DCAF8L2: variants seen among roughly 807,000 people sequenced by gnomAD.
The protein encoded by DCAF8L2 is DDB1 and CUL4 associated factor 8 like 2, also known as DDB1- and CUL4-associated factor 8-like protein 2.
For missense variants in DCAF8L2, 430 were observed against 490.7 expected, an observed-to-expected ratio of 0.88 and a Z score of 1.17; for synonymous variants, 200 against 190.9, an observed-to-expected ratio of 1.05 and a Z score of -0.39.
chrX:27,514,656 G>A, the DCAF8L2 span, among the ~76,000 whole-genome samples: 3 of 63,727 alleles, frequency 4.7e-5, no homozygotes, highest in Admixed American at 8.5e-4. Flanking sequence ...GCGACAGAGC[G>A]AGACTCCGTC....
the DCAF8L2 span, among the ~76,000 whole-genome samples, chrX:27,555,480 T>A: frequency 8.9e-6 from 1 of 111,863 alleles, no homozygotes; most frequent in African/African-American, 3.2e-5. Flanking sequence ...AATGCATGGG[T>A]CTCATTCAAC....
At chrX:27,578,912 A>T in the DCAF8L2 span, among the ~76,000 whole-genome samples, 2 of 109,292 alleles carry the variant, frequency 1.8e-5, no homozygotes, top group Non-Finnish European at 3.8e-5. Context: ...AAAAAAACAG[A>T]TGCTGGTGAG....
the DCAF8L2 span, among the ~76,000 whole-genome samples, chrX:27,537,061 G>A: frequency 1.8e-5 from 2 of 111,816 alleles, no homozygotes; most frequent in Non-Finnish European, 3.8e-5. Flanking sequence ...GAGGTGTTCT[G>A]TAAATGGAAT....
intron 2 of DCAF8L2, among the ~76,000 whole-genome samples, chrX:27,656,281 A>T (rs972007089): frequency 2.7e-5 from 3 of 112,232 alleles, no homozygotes; most frequent in Non-Finnish European, 3.8e-5. Context: ...CTGTCTGCCA[A>T]CAGCGGTATC....
chrX:27,495,640 G>C, the DCAF8L2 span, among the ~76,000 whole-genome samples: 2 of 111,791 alleles, frequency 1.8e-5, no homozygotes, highest in African/African-American at 6.5e-5. Context: ...TCTCTTTTCA[G>C]ATATCATGAA....
the DCAF8L2 span, chrX:27,517,644 C>T: frequency 8.8e-6 from 5 of 566,691 alleles, no homozygotes; most frequent in Non-Finnish European, 1.5e-5. Flanking sequence ...TTTTAGCTAG[C>T]ACAGTCAAAC....
chrX:27,664,869 T>C (rs1929686785), intron 2 of DCAF8L2, among the ~76,000 whole-genome samples: 1 of 111,443 alleles, frequency 9.0e-6, no homozygotes, highest in Non-Finnish European at 1.9e-5. Flanking sequence ...GTTTACTAAA[T>C]ATTTTAAGCC....
intron 1 of DCAF8L2, among the ~76,000 whole-genome samples, chrX:27,613,833 G>A (rs1257284895): frequency 1.8e-5 from 2 of 111,326 alleles, no homozygotes; most frequent in Non-Finnish European, 3.8e-5. Flanking sequence ...GCTTTTTGAT[G>A]TGTTGCTGGA....
chrX:27,690,626 G>GC (rs1245860297), intron 3 of DCAF8L2, among the ~76,000 whole-genome samples: 1 of 109,589 alleles, frequency 9.1e-6, no homozygotes, highest in East Asian at 2.9e-4. Context: ...AAAAAAAACA[G>GC]CCTTTTACTA....
chrX:27,554,191 A>G, the DCAF8L2 span, among the ~76,000 whole-genome samples: 381 of 112,224 alleles, frequency 3.4e-3, 1 homozygote, highest in African/African-American at 0.011. Flanking sequence ...TGACCCTTGC[A>G]TTAAAAAACT....
intron 4 of DCAF8L2, among the ~76,000 whole-genome samples, chrX:27,727,472 T>C (rs1222463157): frequency 9.0e-6 from 1 of 111,699 alleles, no homozygotes; most frequent in Non-Finnish European, 1.9e-5. Context: ...TGTCCTTATG[T>C]GTGTGGGCAT....
intron 2 of DCAF8L2, among the ~76,000 whole-genome samples, chrX:27,674,075 T>A (rs922967863): frequency 8.9e-6 from 1 of 111,895 alleles, no homozygotes; most frequent in Non-Finnish European, 1.9e-5. Flanking sequence ...AATTATTGGC[T>A]TAGTGAATTA....
Position 27,747,816 on chromosome X carries a change from T to G in DCAF8L2, c.921T>G (p.Tyr307Ter), listed in dbSNP as rs1922332843. The G allele has an allele frequency of 8.3e-7, 1 of 1,207,618 alleles. No homozygotes were observed. Among genetic ancestry groups the G allele is most frequent in the African/African-American group, 1.7e-5 (1 of 57,254 alleles). The change falls in exon 5 of 5, where the codon TAT (tyrosine) becomes TAG (stop). Residue 307 changes from tyrosine (Y) to a stop codon, truncating the protein, a stop_gained. Transcript: ENST00000451261. LOFTEE classifies it low-confidence loss of function (END_TRUNC). ...TAGCAGAGTTAATTAATGCATCATA[T>G]TTCAACAATACTAAGTGTGTGGCCC... ...VRVAELINAS[Y>*]FNNTKCVAQH...
chrX:27,540,030 GTCAATCACTGTTACTACTTC>G, the DCAF8L2 span, among the ~76,000 whole-genome samples: 1 of 110,260 alleles, frequency 9.1e-6, no homozygotes, highest in Admixed American at 9.8e-5. Context: ...GTGCTACTAG[GTCAATCACTGTTACTACTTC>G]TCTTCCTAAT....
At chrX:27,472,741 T>A in the DCAF8L2 span, among the ~76,000 whole-genome samples, 1 of 112,222 alleles carries the variant, frequency 8.9e-6, no homozygotes, top group Non-Finnish European at 1.9e-5. Flanking sequence ...TTTATGACTG[T>A]ATAGTATTCC....
the DCAF8L2 span, among the ~76,000 whole-genome samples, chrX:27,575,068 A>G: frequency 9.0e-6 from 1 of 111,288 alleles, no homozygotes; most frequent in African/African-American, 3.3e-5. Flanking sequence ...AGTAGCTCTC[A>G]GGCGATGGAG....
intron 2 of DCAF8L2, among the ~76,000 whole-genome samples, chrX:27,667,849 A>T (rs1929797008): frequency 8.9e-6 from 1 of 112,376 alleles, no homozygotes; most frequent in Admixed American, 9.5e-5. Flanking sequence ...CACTTCAAAT[A>T]TTGCTATTTT....
chrX:27,513,222 C>A, the DCAF8L2 span, among the ~76,000 whole-genome samples: 1 of 111,781 alleles, frequency 8.9e-6, no homozygotes, highest in African/African-American at 3.2e-5. Context: ...GCACAGGCAC[C>A]TAATGCAAAA....
chrX:27,712,995 C>A lies in DCAF8L2; in HGVS notation c.-142-3093C>A, dbSNP rs528062570. On this transcript the variant is annotated intron_variant, in intron 3 of 4. Coordinates refer to ENST00000451261, the MANE Select transcript of DCAF8L2 (RefSeq NM_001353450.2). ...GTCTTGAATTAATTAACAGTGAAAT[C>A]CCTATTTATGATCCAAGTAGATATG... is the stretch of plus-strand genomic sequence containing the variant. 3.1e-4 allele frequency among the ~76,000 whole-genome samples: 35 copies of A among 111,619 alleles called. No individual in the cohort carries two copies. The Middle Eastern group carries it at 0.023, about 74-fold the overall frequency.
Sources: allele counts gnomAD v4.1 joint callset (sites outside exome capture counted in the v4.1 genomes callset), GRCh38; gene constraint gnomAD v4.1.1; transcripts MANE v1.5; gene names NCBI Gene and HGNC (gene_info 2026-07-23, HGNC 2026-07-21).